The following ADRA1A variants were observed in gnomAD, a reference collection of about 807,000 sequenced individuals.
ADRA1A encodes the protein alpha-1A adrenergic receptor.
In ADRA1A, 31 loss-of-function variants were observed where a neutral mutation model predicts 29.6. The ratio of observed to expected loss-of-function variants is 1.05; its 90% CI spans 0.79 to 1.41. ADRA1A has a LOEUF of 1.41. Among genes scored for constraint, ADRA1A ranks in the 40% most tolerant of loss-of-function variants. The probability of loss-of-function intolerance (pLI) is 0.00; values close to 1 mark genes in which losing one functional copy is unlikely to be tolerated. For missense variants in ADRA1A, 619 were observed against 601.1 expected (o/e 1.03, Z -0.31); for synonymous variants, 311 against 254.3 (o/e 1.22, Z -2.12).
chr8:26,827,261 T>C (rs936539845), intron 2 of ADRA1A, among the ~76,000 whole-genome samples: 2 of 152,236 alleles, frequency 1.3e-5, no homozygotes, highest in African/African-American at 4.8e-5. Flanking sequence ...TAATGTCTCA[T>C]TGCAGCCAAA....
chr8:26,848,793 C>T lies in ADRA1A; in HGVS notation c.883+15294G>A, dbSNP rs1159495962. Among the ~76,000 whole-genome samples, 1 of 152,206 alleles carries T rather than the reference C, an allele frequency of 6.6e-6. No individual in the cohort carries two copies. Among genetic ancestry groups the T allele is most frequent in the Non-Finnish European group, 1.5e-5 (1 of 68,028 alleles). On this transcript the variant is annotated intron_variant, in intron 2 of 2. Coordinates refer to ENST00000380573, the MANE Select transcript of ADRA1A (RefSeq NM_000680.4). The surrounding 1 kb of genome is among the most constrained non-coding windows in gnomAD (Gnocchi z 4.3). ...CAGCCACAAGGGAAAGCTCAGCTTA[C>T]TGAACTGTGTAGGGATTCTGTTACT... is the stretch of plus-strand genomic sequence containing the variant.
At chr8:26,792,660 T>C (rs2130431791) in intron 2 of ADRA1A, among the ~76,000 whole-genome samples, 1 of 148,098 alleles carries the variant, frequency 6.8e-6, no homozygotes, top group Middle Eastern at 3.4e-3. Context: ...ATGTTTACTT[T>C]GTAAGCATCA....
intron 2 of ADRA1A, among the ~76,000 whole-genome samples, chr8:26,811,414 G>A (rs565480949): frequency 2.0e-5 from 3 of 152,156 alleles, no homozygotes; most frequent in African/African-American, 7.2e-5. Flanking sequence ...GGATGGTCTC[G>A]GTCTCCTGAC....
chr8:26,811,823 C>G (rs1377037634), intron 2 of ADRA1A, among the ~76,000 whole-genome samples: 1 of 152,188 alleles, frequency 6.6e-6, no homozygotes, highest in Non-Finnish European at 1.5e-5. Flanking sequence ...TAAATGTCGT[C>G]ACGTGGAACG....
chr8:26,863,968 G>T, intron 2 of ADRA1A, 119 bp downstream of exon 2: 1 of 1,045,486 alleles, frequency 9.6e-7, no homozygotes, highest in Non-Finnish European at 1.4e-6. Flanking sequence ...TTGCCCTAGA[G>T]CTGTGCTGTT....
intron 2 of ADRA1A, among the ~76,000 whole-genome samples, chr8:26,849,633 T>C (rs889325437): frequency 1.3e-5 from 2 of 152,148 alleles, no homozygotes; most frequent in African/African-American, 4.8e-5. Flanking sequence ...ACCTACCCAG[T>C]TTCAAACAAA....
At chr8:26,765,621 C>A (rs1805733983), downstream of ADRA1A, among the ~76,000 whole-genome samples, 1 of 152,236 alleles carries the variant, frequency 6.6e-6, no homozygotes. Flanking sequence ...GTAGGCATAC[C>A]TCTGATGTCT....
At chr8:26,748,722 C>A in exon 3 of ADRA1A, 1 of 372,410 alleles carries the variant, frequency 2.7e-6, no homozygotes. Flanking sequence ...CACTGCACTC[C>A]AGCCTGGTGA....
At chr8:26,818,313 T>C (rs779306472) in intron 2 of ADRA1A, among the ~76,000 whole-genome samples, 1 of 152,220 alleles carries the variant, frequency 6.6e-6, no homozygotes, top group Non-Finnish European at 1.5e-5. Context: ...TTAGTCTATA[T>C]AAATGAAATC....
At chr8:26,811,112 T>G (rs1809350761) in intron 2 of ADRA1A, among the ~76,000 whole-genome samples, 1 of 152,238 alleles carries the variant, frequency 6.6e-6, no homozygotes, top group African/African-American at 2.4e-5. Flanking sequence ...ATCATCATTT[T>G]TGTGTGAGGC....
At chr8:26,755,206 T>TC (rs397891943), downstream of ADRA1A, among the ~76,000 whole-genome samples, 56 of 150,622 alleles carry the variant, frequency 3.7e-4, no homozygotes, top group South Asian at 8.1e-3. Flanking sequence ...TTTTTTTTTT[T>TC]TCTCTGTTTA....
chr8:26,837,381 C>T (rs181807794), intron 2 of ADRA1A, among the ~76,000 whole-genome samples: 22 of 152,140 alleles, frequency 1.4e-4, no homozygotes, highest in African/African-American at 5.1e-4. Context: ...CTGGGCATGG[C>T]AACTCACACC....
In ADRA1A at chr8:26,814,148, T is replaced by C. The variant is rs568375963; in HGVS notation, c.884-43482A>G. ...TATTTATTTTTATAAAGTTTTTTTC[T>C]TAGCTTTAAAGGAGTGGTTTTAGTG... is the stretch of plus-strand genomic sequence containing the variant. On this transcript the variant is annotated intron_variant, in intron 2 of 2. Transcript: ENST00000380573. Among the ~76,000 whole-genome samples the C allele has an allele frequency of 1.3e-3, 202 of 152,278 alleles. 1 individual carries two copies. Among genetic ancestry groups the C allele is most frequent in the African/African-American group, 4.7e-3 (196 of 41,576 alleles).
In ADRA1A at chr8:26,859,029, C is replaced by A. The variant is rs558063254; in HGVS notation, c.883+5058G>T. ...GACCTTTGCAGTCAAATAGCCTACT[C>A]ACCTGATTTTCCTGGGTCAGTCCCT... On this transcript the variant is annotated intron_variant, in intron 2 of 2. Coordinates refer to ENST00000380573, the MANE Select transcript of ADRA1A (RefSeq NM_000680.4). 6.5e-6 allele frequency: 8 copies of A among 1,235,378 alleles called. No homozygotes were observed. The African/African-American group carries it at 1.3e-4, about 19-fold the overall frequency. The allele number at this position is 1,235,378 out of a possible 1,614,324, so 76.5% of individuals were successfully genotyped here.
intron 2 of ADRA1A, among the ~76,000 whole-genome samples, chr8:26,844,412 T>G (rs182870075): frequency 2.0e-5 from 3 of 152,292 alleles, no homozygotes; most frequent in African/African-American, 4.8e-5. Context: ...AAGTTTCTAT[T>G]AAACTTTTAG....
rs1806500825 is a variant in ADRA1A, at chr8:26,775,797, G to T, written c.884-5131C>A. 6.6e-6 allele frequency among the ~76,000 whole-genome samples: 1 copy of T among 152,172 alleles called. No individual in the cohort carries two copies. The highest frequency in any genetic ancestry group is 2.1e-4 in the South Asian group (1 of 4,826). ...ACCAACTTACGCCGGTCAGACTGAGGTGGATAGAACAGGAGTTTATGGCCA... is the reference window on the plus strand; with the variant it reads ...ACCAACTTACGCCGGTCAGACTGAGTTGGATAGAACAGGAGTTTATGGCCA... On this transcript the variant is annotated intron_variant, in intron 2 of 2. Coordinates refer to ENST00000380573, the MANE Select transcript of ADRA1A (RefSeq NM_000680.4). This position sits in a 1 kb window ranked among gnomAD's most constrained non-coding sequence, Gnocchi z 4.1.
At position 26,850,432 on chromosome 8, in the gene ADRA1A, G is replaced by A. The variant is rs185399480; in HGVS notation, c.883+13655C>T. ...CTCACTTGAATTCTATGTCACATAAGTTGTCTTTCATGTGTTAAGGTTTAG... is the reference window on the plus strand; with the variant it reads ...CTCACTTGAATTCTATGTCACATAAATTGTCTTTCATGTGTTAAGGTTTAG... On this transcript the variant is annotated intron_variant, in intron 2 of 2. Transcript: ENST00000380573. Among the ~76,000 whole-genome samples the A allele has an allele frequency of 4.6e-5, 7 of 152,324 alleles. No individual in the cohort carries two copies. The East Asian group carries it at 1.3e-3, about 29-fold the overall frequency.
intron 2 of ADRA1A, among the ~76,000 whole-genome samples, chr8:26,785,490 A>G (rs1017711857): frequency 6.6e-6 from 1 of 152,224 alleles, no homozygotes; most frequent in African/African-American, 2.4e-5. Context: ...CGACTAGGTT[A>G]AAAACTCTGT....
chr8:26,855,113 A>G (rs1001389423), intron 2 of ADRA1A, among the ~76,000 whole-genome samples: 2 of 152,220 alleles, frequency 1.3e-5, no homozygotes, highest in African/African-American at 4.8e-5. Flanking sequence ...GCCTGAATGG[A>G]CTAGGACACC....
Sources: allele counts gnomAD v4.1 joint callset (sites outside exome capture counted in the v4.1 genomes callset), GRCh38; gene constraint gnomAD v4.1.1; non-coding constraint Gnocchi (gnomAD v3.1); transcripts MANE v1.5; gene names NCBI Gene and HGNC (gene_info 2026-07-23, HGNC 2026-07-21).